SPARCL1: variants seen among roughly 807,000 people sequenced by gnomAD.
SPARCL1 encodes the protein SPARC like 1, also known as SPARC-like protein 1.
SPARCL1 carries 52 observed loss-of-function variants against 67.1 expected under a neutral mutation model. That is an observed-to-expected ratio of 0.78 (90% confidence interval 0.62 to 0.98). The LOEUF (loss-of-function observed/expected upper bound fraction) is 0.98, where lower values mean the gene tolerates loss of function less well. SPARCL1 is among the 50% of genes least tolerant of loss of function. The pLI is 0.00. For missense variants in SPARCL1, 717 were observed against 782.4 expected (o/e 0.92, Z 1.00); for synonymous variants, 226 against 267.8 (o/e 0.84, Z 1.52).
At chr4:87,524,949 G>A (rs925541982) in intron 1 of SPARCL1, among the ~76,000 whole-genome samples, 1 of 152,074 alleles carries the variant, frequency 6.6e-6, no homozygotes, top group Non-Finnish European at 1.5e-5. Context: ...GATCACTTGA[G>A]GCCTGGAGTT....
At chr4:87,528,116 T>C (rs1726126369) in intron 1 of SPARCL1, 1 of 152,184 alleles carries the variant, frequency 6.6e-6, no homozygotes, top group Non-Finnish European at 1.5e-5. Context: ...AGATACTCTT[T>C]CTGCAGTACC....
At chr4:87,527,917 G>C (rs1326051219) in intron 1 of SPARCL1, among the ~76,000 whole-genome samples, 3 of 151,988 alleles carry the variant, frequency 2.0e-5, no homozygotes, top group African/African-American at 7.3e-5. Flanking sequence ...GTTTGACTGA[G>C]TAAGCTGTGA....
intron 1 of SPARCL1, among the ~76,000 whole-genome samples, chr4:87,513,356 T>C (rs1725453624): frequency 6.6e-6 from 1 of 152,246 alleles, no homozygotes; most frequent in Non-Finnish European, 1.5e-5. Context: ...AGCTTTGGAC[T>C]CAGTATCCAA....
At chr4:87,509,034 A>G (rs1209941999) in intron 1 of SPARCL1, among the ~76,000 whole-genome samples, 1 of 148,224 alleles carries the variant, frequency 6.7e-6, no homozygotes, top group Non-Finnish European at 1.5e-5. Context: ...GTATCTATAT[A>G]TGTATTATAT....
At chr4:87,502,871 A>G (rs563044910) in intron 1 of SPARCL1, among the ~76,000 whole-genome samples, 1 of 152,368 alleles carries the variant, frequency 6.6e-6, no homozygotes, top group South Asian at 2.1e-4. Context: ...GTAACCTGAC[A>G]GTCTTGATGG....
At chr4:87,525,144 T>G (rs993451930) in intron 1 of SPARCL1, among the ~76,000 whole-genome samples, 1 of 147,716 alleles carries the variant, frequency 6.8e-6, no homozygotes, top group African/African-American at 2.5e-5. Context: ...GCCTGGGCAA[T>G]AGAGCAAGAC....
intron 1 of SPARCL1, among the ~76,000 whole-genome samples, chr4:87,503,315 C>T (rs772641697): frequency 1.5e-4 from 23 of 152,174 alleles, no homozygotes; most frequent in Non-Finnish European, 2.4e-4. Context: ...GTGTGAATGG[C>T]TTCCTTCTTT....
chr4:87,500,463 C>T (rs902442754), intron 1 of SPARCL1, among the ~76,000 whole-genome samples: 7 of 152,140 alleles, frequency 4.6e-5, no homozygotes, highest in Admixed American at 4.6e-4. Flanking sequence ...AAGTAGTGGG[C>T]AGCCTACATT....
rs1413098751 is a variant in SPARCL1 at position 87,473,663 on chromosome 4, A to G, written c.*112T>C. 1 of 712,106 alleles carries G rather than the reference A, an allele frequency of 1.4e-6. No individual in the cohort carries two copies. The highest frequency in any genetic ancestry group is 2.7e-5 in the East Asian group (1 of 37,240). 44.1% of individuals were successfully genotyped at this position (712,106 alleles called of 1,614,324 possible). On this transcript the variant is annotated 3_prime_UTR_variant, in exon 11 of 11. Coordinates refer to ENST00000282470, the MANE Select transcript of SPARCL1 (RefSeq NM_004684.6). ...GCAATTACTCTCATTGTCTTGTCATACATGCTAACATTTTGCTAAATATAA... is the reference window on the plus strand; with the variant it reads ...GCAATTACTCTCATTGTCTTGTCATGCATGCTAACATTTTGCTAAATATAA...
rs375786313 is a variant in SPARCL1, at chr4:87,499,165, C to T, written c.54+356G>A. ...TGCTGGGATTACAGGCGTGAGCCAC[C>T]GCACCTGGCCTAAAATCTTGGGTTT... On this transcript the variant is annotated intron_variant, in intron 2 of 10. Coordinates refer to ENST00000282470, the MANE Select transcript of SPARCL1 (RefSeq NM_004684.6). Among the ~76,000 whole-genome samples the T allele has an allele frequency of 6.6e-5, 10 of 152,228 alleles. No individual in the cohort carries two copies. The South Asian group carries it at 2.1e-3, about 32-fold the overall frequency.
intron 1 of SPARCL1, among the ~76,000 whole-genome samples, chr4:87,511,096 T>C (rs1401651806): frequency 6.6e-6 from 1 of 152,166 alleles, no homozygotes; most frequent in African/African-American, 2.4e-5. Flanking sequence ...CAAGAAAATA[T>C]CCTGCATCAA....
At chr4:87,481,080 A>G (rs776230669) in intron 8 of SPARCL1, among the ~76,000 whole-genome samples, 1 of 152,120 alleles carries the variant, frequency 6.6e-6, no homozygotes, top group Non-Finnish European at 1.5e-5. Flanking sequence ...GGGGCTAGAA[A>G]TTATTCTTGA....
chr4:87,485,469 A>C (rs1346981413), intron 7 of SPARCL1, among the ~76,000 whole-genome samples: 1 of 151,734 alleles, frequency 6.6e-6, no homozygotes, highest in African/African-American at 2.4e-5. Flanking sequence ...TTGGTTTGCC[A>C]GTATTTTATT....
At chr4:87,478,323 A>G (rs1243964131) in intron 10 of SPARCL1, among the ~76,000 whole-genome samples, 2 of 152,130 alleles carry the variant, frequency 1.3e-5, no homozygotes, top group Non-Finnish European at 1.5e-5. Context: ...TACCTTGTGG[A>G]ATGGTTAAAT....
chr4:87,487,818 G>T (rs1169862147), intron 7 of SPARCL1, among the ~76,000 whole-genome samples: 1 of 151,878 alleles, frequency 6.6e-6, no homozygotes, highest in Non-Finnish European at 1.5e-5. Flanking sequence ...CTCTAATCTT[G>T]TCTTCATGCT....
intron 5 of SPARCL1, 21 bp downstream of exon 5, chr4:87,491,597 G>A: frequency 6.3e-7 from 1 of 1,591,954 alleles, no homozygotes; most frequent in Non-Finnish European, 8.6e-7. Flanking sequence ...GTCACAAACA[G>A]CTTGCTTCAT....
At chr4:87,476,608 T>A (rs1434815703) in intron 10 of SPARCL1, among the ~76,000 whole-genome samples, 1 of 152,218 alleles carries the variant, frequency 6.6e-6, no homozygotes, top group East Asian at 1.9e-4. Context: ...GTTTACCCTG[T>A]TAGTCTCACT....
At chr4:87,522,099 A>G (rs539936040) in intron 1 of SPARCL1, among the ~76,000 whole-genome samples, 1 of 152,222 alleles carries the variant, frequency 6.6e-6, no homozygotes, top group African/African-American at 2.4e-5. Flanking sequence ...GATGCTTTAG[A>G]GCTTTTAAAG....
intron 8 of SPARCL1, 61 bp downstream of exon 8, chr4:87,482,363 C>A (rs756023274): frequency 6.3e-7 from 1 of 1,577,702 alleles, no homozygotes; most frequent in Non-Finnish European, 8.6e-7. Flanking sequence ...CCCCCCACCA[C>A]GTCTTTCTTC....
Sources: gnomAD v4.1 joint callset for allele counts (sites outside exome capture counted in the v4.1 genomes callset) on GRCh38, gnomAD v4.1.1 for gene constraint, MANE v1.5 for transcripts, NCBI Gene and HGNC (gene_info 2026-07-23, HGNC 2026-07-21) for gene names.